PLPPR4: variants seen among roughly 807,000 people sequenced by gnomAD.
PLPPR4 encodes the protein phospholipid phosphatase related 4, also known as phospholipid phosphatase-related protein type 4.
In PLPPR4, 24 loss-of-function variants were observed where a neutral mutation model predicts 56.6. The ratio of observed to expected loss-of-function variants is 0.42; its 90% confidence interval spans 0.31 to 0.60. The LOEUF (loss-of-function observed/expected upper bound fraction) is 0.60, where lower values mean the gene tolerates loss of function less well. Among genes scored for constraint, PLPPR4 ranks in the 20% least tolerant of loss-of-function variants. PLPPR4 has a pLI of 0.13. For synonymous variants in PLPPR4, 326 were observed against 328.1 expected (o/e 0.99, Z 0.07); for missense variants, 654 against 885.8 (o/e 0.74, Z 3.32).
At chr1:99,282,421 A>G (rs571643644) in intron 1 of PLPPR4, among the ~76,000 whole-genome samples, 18 of 152,286 alleles carry the variant, frequency 1.2e-4, no homozygotes, top group Middle Eastern at 3.4e-3. Context: ...CTGTGAATGC[A>G]TGGAGTTTTC....
intron 1 of PLPPR4, among the ~76,000 whole-genome samples, chr1:99,287,226 T>C (rs1444105167): frequency 6.6e-6 from 1 of 151,154 alleles, no homozygotes; most frequent in Non-Finnish European, 1.5e-5. Flanking sequence ...CTCATTCCTC[T>C]TTATGGGTGC....
At position 99,306,770 on chromosome 1, in the gene PLPPR4, T is replaced by G; in HGVS notation, c.1908T>G (p.Asp636Glu). 1.9e-6 allele frequency: 3 copies of G among 1,613,920 alleles called. No individual in the cohort carries two copies. In the South Asian group the frequency reaches 3.3e-5, roughly 18 times the overall value. Residue 636 changes from aspartate (D) to glutamate (E), a missense_variant, in exon 7 of 7, where the codon GAT becomes GAG. This residue lies in a region of PLPPR4 where 468 missense variants were observed against 554.3 expected (regional missense o/e 0.84). Transcript: ENST00000370185. The surrounding 1 kb of genome is among the most constrained non-coding windows in gnomAD (Gnocchi z 4.0). ...ESLKDSFGSG[D>E]RKRSNIDSNE... ...TGAAAGACAGCTTTGGTTCTGGAGA[T>G]CGCAAGAGAAGCAACATTGATAGCA...
At chr1:99,287,528 G>A (rs712885) in intron 1 of PLPPR4, among the ~76,000 whole-genome samples, 1 of 152,312 alleles carries the variant, frequency 6.6e-6, no homozygotes, top group Non-Finnish European at 1.5e-5. Context: ...AGCGTTTCTA[G>A]CTCTCCACAG....
At chr1:99,265,346 T>C (rs1658868472) in intron 1 of PLPPR4, among the ~76,000 whole-genome samples, 1 of 152,234 alleles carries the variant, frequency 6.6e-6, no homozygotes, top group Non-Finnish European at 1.5e-5. Flanking sequence ...ATGATTTGTA[T>C]CTGAGTATTT....
In PLPPR4 at chr1:99,305,708, C is replaced by T; in HGVS notation, c.846C>T (p.Phe282=). ...LYLGLYAVGN[F]LPSDESMFQH... is the part of the protein sequence containing the mutation. ...AGGGCTTGTATGCTGTGGGGAATTT[C>T]CTGCCCAGTGATGAGAGTATGTTTC... Residue 282 remains phenylalanine, a synonymous_variant, in exon 7 of 7, where the codon TTC becomes TTT. Transcript: ENST00000370185. 6.2e-7 allele frequency: 1 copy of T among 1,613,296 alleles called. No homozygotes were observed. Among genetic ancestry groups the T allele is most frequent in the Non-Finnish European group, 8.5e-7 (1 of 1,179,696 alleles).
chr1:99,306,845 G>A lies in PLPPR4; in HGVS notation c.1983G>A (p.Glu661=), dbSNP rs768027393. ...CCACCATCCGCGTCACCCCAGTAGA[G>A]GGCAGCGAAATTGGCTCAGAGACGC... The part of the protein sequence containing the change: ...GITTIRVTPV[E]GSEIGSETLS... The change falls in exon 7 of 7, where the codon GAG becomes GAA. Residue 661 remains glutamate (E), a synonymous_variant. Coordinates refer to ENST00000370185, the MANE Select transcript of PLPPR4 (RefSeq NM_014839.5). The surrounding 1 kb of genome is among the most constrained non-coding windows in gnomAD (Gnocchi z 4.0). 3 of 1,614,122 alleles carry A rather than the reference G, an allele frequency of 1.9e-6. No individual in the cohort carries two copies. The highest frequency in any genetic ancestry group is 3.3e-5 in the Admixed American group (2 of 60,022).
At chr1:99,268,128 T>C (rs1458610289) in intron 1 of PLPPR4, among the ~76,000 whole-genome samples, 5 of 152,242 alleles carry the variant, frequency 3.3e-5, no homozygotes, top group African/African-American at 4.8e-5. Context: ...AACATTCACA[T>C]AGGCAAAGTT....
intron 2 of PLPPR4, 63 bp downstream of exon 2, chr1:99,288,213 A>G: frequency 4.2e-6 from 6 of 1,437,088 alleles, no homozygotes; most frequent in South Asian, 2.6e-5. Flanking sequence ...CCACATTTGT[A>G]TAATAAATGG....
chr1:99,273,215 G>C (rs1035409817), intron 1 of PLPPR4, among the ~76,000 whole-genome samples: 1 of 152,064 alleles, frequency 6.6e-6, no homozygotes, highest in African/African-American at 2.4e-5. Context: ...TATCTGGTTG[G>C]CTGTCAAGCA....
intron 6 of PLPPR4, 44 bp from the exon 7 acceptor site, chr1:99,305,641 T>C (rs745769637): frequency 6.4e-7 from 1 of 1,568,938 alleles, no homozygotes; most frequent in South Asian, 1.2e-5. Flanking sequence ...CCCTAGTGAC[T>C]GTCTTCTAGT....
At chr1:99,305,611 C>T in intron 6 of PLPPR4, 74 bp from the exon 7 acceptor site, 4 of 1,444,150 alleles carry the variant, frequency 2.8e-6, no homozygotes, top group Non-Finnish European at 2.8e-6. Context: ...GTATGTACTT[C>T]AGTGGGTACT....
At chr1:99,284,326 ATTAT>A (rs1659411642) in intron 1 of PLPPR4, among the ~76,000 whole-genome samples, 2 of 152,198 alleles carry the variant, frequency 1.3e-5, no homozygotes, top group South Asian at 2.1e-4. Flanking sequence ...CATGTATAAA[ATTAT>A]TTATTTCCAA....
Position 99,307,089 on chromosome 1 carries a change from G to T in PLPPR4, c.*79G>T. 1 of 1,494,614 alleles carries T rather than the reference G, an allele frequency of 6.7e-7. No homozygotes were observed. Among genetic ancestry groups the T allele is most frequent in the South Asian group, 1.3e-5 (1 of 75,264 alleles). The allele number at this position is 1,494,614 out of a possible 1,614,324, so 92.6% of individuals were successfully genotyped here. The stretch of plus-strand genomic sequence containing the variant: ...ACCTGTGTTCTGTTCCAGCGAATTG[G>T]GAAGTCTCACCAAGCTAGATTGTCT... On this transcript the variant is annotated 3_prime_UTR_variant, in exon 7 of 7. Coordinates refer to ENST00000370185, the MANE Select transcript of PLPPR4 (RefSeq NM_014839.5).
At chr1:99,274,159 A>AT (rs889720649) in intron 1 of PLPPR4, among the ~76,000 whole-genome samples, 266 of 149,908 alleles carry the variant, frequency 1.8e-3, no homozygotes, top group African/African-American at 4.4e-3. Flanking sequence ...TATTAGATAT[A>AT]TTTTTTTTTT....
At position 99,308,550 on chromosome 1, in the gene PLPPR4, T is replaced by A. The variant is rs1660106481; in HGVS notation, c.*1540T>A. The A allele has an allele frequency of 6.6e-6, 1 of 152,638 alleles. No individual in the cohort carries two copies. Among genetic ancestry groups the A allele is most frequent in the African/African-American group, 2.4e-5 (1 of 41,454 alleles). 9.5% of individuals were successfully genotyped at this position (152,638 alleles called of 1,614,324 possible). On this transcript the variant is annotated 3_prime_UTR_variant, in exon 7 of 7. Transcript: ENST00000370185. ...CATAAGAATTCCGATATATACTTGA[T>A]GATTGCCAAGGGGATGAAAGGAAAC...
intron 6 of PLPPR4, among the ~76,000 whole-genome samples, chr1:99,302,110 AT>A (rs1312079670): frequency 6.6e-6 from 1 of 152,160 alleles, no homozygotes; most frequent in East Asian, 1.9e-4. Context: ...TTTTAGAAAG[AT>A]TTCTGAATTT....
intron 1 of PLPPR4, among the ~76,000 whole-genome samples, chr1:99,271,690 A>G (rs1017088047): frequency 6.6e-6 from 1 of 152,090 alleles, no homozygotes; most frequent in Non-Finnish European, 1.5e-5. Context: ...CACAAATGGC[A>G]CCCATGAGTC....
At chr1:99,292,068 ATTACT>A (rs1212025626) in intron 2 of PLPPR4, among the ~76,000 whole-genome samples, 1 of 152,190 alleles carries the variant, frequency 6.6e-6, no homozygotes, top group African/African-American at 2.4e-5. Flanking sequence ...TTTGAGATAA[ATTACT>A]TAACATACTA....
chr1:99,275,427 G>T (rs1432269729), intron 1 of PLPPR4, among the ~76,000 whole-genome samples: 11 of 152,238 alleles, frequency 7.2e-5, no homozygotes, highest in African/African-American at 2.4e-4. Flanking sequence ...ACATAATTAA[G>T]GAAAAATTCT....
Sources: allele counts gnomAD v4.1 joint callset (sites outside exome capture counted in the v4.1 genomes callset), GRCh38; gene constraint gnomAD v4.1.1; regional missense constraint gnomAD v4.1.1; non-coding constraint Gnocchi (gnomAD v3.1); transcripts MANE v1.5; gene names NCBI Gene and HGNC (gene_info 2026-07-23, HGNC 2026-07-21).